Variants in ANXA2 observed in about 807,000 individuals in gnomAD.
ANXA2 encodes the protein annexin II.
ANXA2 carries 28 observed loss-of-function variants against 47.3 expected under a neutral mutation model. That is an observed-to-expected ratio of 0.59 (90% CI 0.44 to 0.81). ANXA2 has a LOEUF of 0.81. Among genes scored for constraint, ANXA2 ranks in the 40% least tolerant of loss-of-function variants. ANXA2 has a pLI of 0.00. For missense variants in ANXA2, 384 were observed against 414.3 expected, an observed-to-expected ratio of 0.93 and a Z score of 0.64; for synonymous variants, 172 against 155.5, an observed-to-expected ratio of 1.11 and a Z score of -0.79.
chr15:60,392,473 C>CA (rs2063025856), intron 1 of ANXA2, among the ~76,000 whole-genome samples: 2 of 147,000 alleles, frequency 1.4e-5, no homozygotes, highest in African/African-American at 2.5e-5. Flanking sequence ...CAGTTACAAA[C>CA]AAAAAAAGGA....
chr15:60,350,906 G>A (rs1025411441), intron 11 of ANXA2, among the ~76,000 whole-genome samples: 3 of 152,262 alleles, frequency 2.0e-5, no homozygotes, highest in East Asian at 1.9e-4. Context: ...AAGAAATCAC[G>A]GAGAAACCTA....
chr15:60,368,556 ACT>A (rs2062669661), intron 3 of ANXA2, among the ~76,000 whole-genome samples: 1 of 151,842 alleles, frequency 6.6e-6, no homozygotes, highest in African/African-American at 2.4e-5. Flanking sequence ...CAATAAAGGT[ACT>A]GTTAAGTAAA....
chr15:60,347,808 G>C, intron 12 of ANXA2, 119 bp from the exon 13 acceptor site: 1 of 878,906 alleles, frequency 1.1e-6, no homozygotes, highest in Non-Finnish European at 1.8e-6. Context: ...AGAAGACTCT[G>C]CAGGAGACCT....
chr15:60,374,657 A>G (rs1392597244), intron 3 of ANXA2: 2 of 456,004 alleles, frequency 4.4e-6, no homozygotes, highest in Non-Finnish European at 8.8e-6. Context: ...CCAGTGTTTG[A>G]TAGCTACGTG....
At chr15:60,379,888 G>A (rs187039146) in intron 3 of ANXA2, among the ~76,000 whole-genome samples, 1 of 152,316 alleles carries the variant, frequency 6.6e-6, no homozygotes, top group Non-Finnish European at 1.5e-5. Context: ...ATTACCATGA[G>A]AGTTTCAGCT....
chr15:60,392,942 TAAAAAAAA>T, intron 1 of ANXA2: 8 of 926,660 alleles, frequency 8.6e-6, no homozygotes, highest in Non-Finnish European at 1.1e-5. Flanking sequence ...AATTTTAAAC[TAAAAAAAA>T]AAAAAAAAAA....
At chr15:60,396,046 T>G (rs1016573149) in intron 1 of ANXA2, 2 of 152,234 alleles carry the variant, frequency 1.3e-5, no homozygotes, top group Non-Finnish European at 2.9e-5. Context: ...GCCTGAATAT[T>G]GCTGCTTTAC....
chr15:60,369,437 CA>C (rs2140871979), intron 3 of ANXA2, among the ~76,000 whole-genome samples: 1 of 152,350 alleles, frequency 6.6e-6, no homozygotes, highest in African/African-American at 2.4e-5. Context: ...TCACAAAATA[CA>C]ATTCTATCCT....
chr15:60,355,227 A>C (rs1476619740), intron 7 of ANXA2, among the ~76,000 whole-genome samples: 2 of 152,198 alleles, frequency 1.3e-5, no homozygotes, highest in Non-Finnish European at 2.9e-5. Flanking sequence ...GTGAAAGTGT[A>C]TTTCACAGAG....
At position 60,347,386 on chromosome 15, in the gene ANXA2, G is replaced by A. The variant is rs1024532528; in HGVS notation, c.*244C>T. On this transcript the variant is annotated 3_prime_UTR_variant, in exon 13 of 13. Coordinates refer to ENST00000451270, the MANE Select transcript of ANXA2 (RefSeq NM_004039.3). ...CTGTTTATGACACAGTACACAGGAG[G>A]CAAAGTGTTTCACATCATAGACTTC... is the stretch of plus-strand genomic sequence containing the variant. The A allele has an allele frequency of 8.7e-6, 5 of 576,964 alleles. No individual in the cohort carries two copies. The African/African-American group carries it at 9.4e-5, about 11-fold the overall frequency. The allele number at this position is 576,964 out of a possible 1,614,324, so 35.7% of individuals were successfully genotyped here.
chr15:60,392,942 T>TAAA, intron 1 of ANXA2: 16 of 926,616 alleles, frequency 1.7e-5, no homozygotes, highest in South Asian at 2.3e-5. Context: ...AATTTTAAAC[T>TAAA]AAAAAAAAAA....
intron 1 of ANXA2, chr15:60,393,018 G>GC: frequency 7.8e-7 from 1 of 1,284,810 alleles, no homozygotes; most frequent in South Asian, 1.2e-5. Flanking sequence ...CCCACCTACT[G>GC]CATCTTTATT....
chr15:60,392,815 A>T (rs2063031199), intron 1 of ANXA2, among the ~76,000 whole-genome samples: 2 of 152,198 alleles, frequency 1.3e-5, no homozygotes, highest in Non-Finnish European at 2.9e-5. Flanking sequence ...GGGACTGGTG[A>T]TTCAAATGAA....
intron 1 of ANXA2, among the ~76,000 whole-genome samples, chr15:60,392,864 G>C (rs913370777): frequency 6.6e-6 from 1 of 151,606 alleles, no homozygotes; most frequent in Non-Finnish European, 1.5e-5. Context: ...GGAGTGTGGA[G>C]AGTTGGGTTC....
chr15:60,397,048 G>A (rs1595716405), intron 1 of ANXA2, among the ~76,000 whole-genome samples: 2 of 152,152 alleles, frequency 1.3e-5, no homozygotes, highest in East Asian at 3.9e-4. Flanking sequence ...TCCCAGATGA[G>A]GAAACTTATC....
At chr15:60,364,902 C>T (rs1339240464) in intron 3 of ANXA2, among the ~76,000 whole-genome samples, 1 of 151,172 alleles carries the variant, frequency 6.6e-6, no homozygotes, top group Non-Finnish European at 1.5e-5. Context: ...TGCCATTTAA[C>T]TCGGGATTTA....
chr15:60,354,491 G>C lies in ANXA2; in HGVS notation c.529-278C>G, dbSNP rs547982548. On this transcript the variant is annotated intron_variant, in intron 7 of 12. Transcript: ENST00000451270. ...CCTGTCTCTACTAAATTAGCCAGGC[G>C]TGGTGGCACATGCCTGTAGTCCCAG... Among the ~76,000 whole-genome samples the C allele has an allele frequency of 6.6e-5, 10 of 151,968 alleles. 1 individual carries two copies. In the South Asian group the frequency reaches 2.1e-3, roughly 32 times the overall value.
intron 3 of ANXA2, among the ~76,000 whole-genome samples, chr15:60,365,746 T>G (rs1017936233): frequency 4.6e-5 from 7 of 152,164 alleles, no homozygotes; most frequent in African/African-American, 1.4e-4. Flanking sequence ...ATATGCTTGC[T>G]ATCTTAACTG....
intron 3 of ANXA2, among the ~76,000 whole-genome samples, chr15:60,377,781 T>C (rs2062801226): frequency 6.6e-6 from 1 of 152,158 alleles, no homozygotes. Context: ...TTTTATTTTT[T>C]CTTTTTTGAT....
Sources: gnomAD v4.1 joint callset for allele counts (sites outside exome capture counted in the v4.1 genomes callset) on GRCh38, gnomAD v4.1.1 for gene constraint, MANE v1.5 for transcripts, NCBI Gene and HGNC (gene_info 2026-07-23, HGNC 2026-07-21) for gene names.